Variants in PIKFYVE observed in about 807,000 individuals in gnomAD.
PIKFYVE encodes the protein 1-phosphatidylinositol 3-phosphate 5-kinase.
A neutral mutation model predicts 257.9 loss-of-function variants in PIKFYVE; 122 were observed. That is an observed-to-expected ratio of 0.47 (90% CI 0.41 to 0.55). The LOEUF (loss-of-function observed/expected upper bound fraction) is 0.55. PIKFYVE is among the 20% of genes least tolerant of loss of function. PIKFYVE has a pLI of 0.00. For synonymous variants in PIKFYVE, 892 were observed against 868.9 expected, an observed-to-expected ratio of 1.03 and a Z score of -0.47; for missense variants, 2,160 against 2,536.6, an observed-to-expected ratio of 0.85 and a Z score of 3.19.
At chr2:208,321,206 C>G (rs940786645) in intron 17 of PIKFYVE, among the ~76,000 whole-genome samples, 2 of 152,144 alleles carry the variant, frequency 1.3e-5, no homozygotes, top group Admixed American at 6.6e-5. Flanking sequence ...TGTGGTCATT[C>G]AAAGTGGAAG....
rs890190257 is a variant in PIKFYVE, at chr2:208,357,877, G to GA, written c.*2576dup. 7.2e-5 allele frequency: 11 copies of GA among 152,082 alleles called. No individual in the cohort carries two copies. Among genetic ancestry groups the GA allele is most frequent in the African/African-American group, 2.7e-4 (11 of 41,410 alleles). 9.4% of individuals were successfully genotyped at this position (152,082 alleles called of 1,614,324 possible). ...CCGAGAATAATTGATAGTAGCAAGA[G>GA]AAAACTATGTCAGTAACATGTTGCT... On this transcript the variant is annotated 3_prime_UTR_variant, in exon 42 of 42. Transcript: ENST00000264380.
chr2:208,328,350 C>CAAA, intron 21 of PIKFYVE, 70 bp downstream of exon 21: 1 of 1,591,350 alleles, frequency 6.3e-7, no homozygotes, highest in Non-Finnish European at 8.6e-7. Flanking sequence ...AAAACAAAAA[C>CAAA]AAAAAAACAG....
intron 16 of PIKFYVE, among the ~76,000 whole-genome samples, chr2:208,319,396 G>A (rs938281465): frequency 3.3e-5 from 5 of 152,312 alleles, no homozygotes; most frequent in Admixed American, 3.3e-4. Flanking sequence ...CTTTAAAGGA[G>A]AACTTTAAAC....
rs1486984440 is a variant in PIKFYVE, at chr2:208,313,008, G to A, written c.1696+713G>A. 2.6e-5 allele frequency among the ~76,000 whole-genome samples: 4 copies of A among 152,164 alleles called. No individual in the cohort carries two copies. In the East Asian group the frequency reaches 5.8e-4, roughly 22 times the overall value. On this transcript the variant is annotated intron_variant, in intron 13 of 41. Coordinates refer to ENST00000264380, the MANE Select transcript of PIKFYVE (RefSeq NM_015040.4). ...AAATTCATCTCCAAGCATCTGGTTCGGCTAGAAGTTTACAGAGTGGCCCTT... is the reference window on the plus strand; with the variant it reads ...AAATTCATCTCCAAGCATCTGGTTCAGCTAGAAGTTTACAGAGTGGCCCTT...
At chr2:208,268,967 T>A (rs1406842185) in intron 1 of PIKFYVE, among the ~76,000 whole-genome samples, 1 of 152,138 alleles carries the variant, frequency 6.6e-6, no homozygotes, top group Non-Finnish European at 1.5e-5. Flanking sequence ...TAGGTAATAC[T>A]TTTGGGGTGA....
At chr2:208,353,044 C>G (rs953894498) in intron 39 of PIKFYVE, among the ~76,000 whole-genome samples, 1 of 152,098 alleles carries the variant, frequency 6.6e-6, no homozygotes, top group Admixed American at 6.6e-5. Context: ...ATCTACTTCC[C>G]GCATCTTTTT....
intron 12 of PIKFYVE, among the ~76,000 whole-genome samples, chr2:208,309,235 T>C (rs1037271740): frequency 8.5e-5 from 13 of 152,100 alleles, no homozygotes; most frequent in Non-Finnish European, 1.6e-4. Flanking sequence ...GATAGCAGAA[T>C]TGACATTTAA....
chr2:208,326,242 A>G lies in PIKFYVE; in HGVS notation c.3431A>G (p.Asp1144Gly), dbSNP rs368966596. Reference protein sequence around the residue: ...VSTRIAEHLGDSQSLGRMLAD... With the variant: ...VSTRIAEHLGGSQSLGRMLAD... ...ACTAGAATTGCTGAGCATCTGGGCGATAGCCAGAGCTTGGGTAGAATGCTG... is the reference window on the plus strand; with the variant it reads ...ACTAGAATTGCTGAGCATCTGGGCGGTAGCCAGAGCTTGGGTAGAATGCTG... The change falls in exon 20 of 42, where the codon GAT (aspartate) becomes GGT (glycine). Residue 1144 changes from aspartate (D) to glycine (G), a missense_variant. Physicochemically the swap from Asp to Gly is moderately conservative, Grantham distance 94. Coordinates refer to ENST00000264380, the MANE Select transcript of PIKFYVE (RefSeq NM_015040.4). The G allele has an allele frequency of 1.7e-5, 27 of 1,591,584 alleles. No homozygotes were observed. The highest frequency in any genetic ancestry group is 2.7e-5 in the African/African-American group (2 of 74,134).
At chr2:208,313,021 C>T (rs1695094617) in intron 13 of PIKFYVE, among the ~76,000 whole-genome samples, 1 of 152,192 alleles carries the variant, frequency 6.6e-6, no homozygotes, top group South Asian at 2.1e-4. Context: ...TAGAAGTTTA[C>T]AGAGTGGCCC....
At chr2:208,313,151 G>A (rs1418710022) in intron 13 of PIKFYVE, among the ~76,000 whole-genome samples, 1 of 152,076 alleles carries the variant, frequency 6.6e-6, no homozygotes, top group Non-Finnish European at 1.5e-5. Context: ...CTTTTAAGAG[G>A]GGACAGGTTA....
chr2:208,325,109 A>G, intron 19 of PIKFYVE, 72 bp downstream of exon 19: 2 of 1,601,886 alleles, frequency 1.2e-6, no homozygotes, highest in African/African-American at 1.3e-5. Context: ...TTTACTTACT[A>G]GGAAATACCT....
chr2:208,350,722 A>G, intron 36 of PIKFYVE, 49 bp from the exon 37 acceptor site: 2 of 1,595,218 alleles, frequency 1.3e-6, no homozygotes, highest in Non-Finnish European at 1.7e-6. Flanking sequence ...AGGAGGAAAG[A>G]TATTTTCTGA....
At chr2:208,273,325 C>A (rs1335382831) in intron 2 of PIKFYVE, among the ~76,000 whole-genome samples, 3 of 152,082 alleles carry the variant, frequency 2.0e-5, no homozygotes, top group African/African-American at 7.2e-5. Context: ...AGGCTGGGCA[C>A]AGTGGCCTGT....
chr2:208,350,152 G>T, intron 36 of PIKFYVE, 69 bp downstream of exon 36: 1 of 1,591,370 alleles, frequency 6.3e-7, no homozygotes, highest in Non-Finnish European at 8.6e-7. Flanking sequence ...TATTATTTGA[G>T]AATTCTAGCT....
intron 1 of PIKFYVE, among the ~76,000 whole-genome samples, chr2:208,267,411 T>A (rs1289281701): frequency 6.6e-6 from 1 of 152,168 alleles, no homozygotes; most frequent in African/African-American, 2.4e-5. Context: ...GGTTTTCCTT[T>A]AAGCGTGTTG....
Position 208,336,822 on chromosome 2 carries a change from T to A in PIKFYVE, c.4521-16T>A, listed in dbSNP as rs1160848488. The A allele has an allele frequency of 6.4e-7, 1 of 1,564,984 alleles. No individual in the cohort carries two copies. The highest frequency in any genetic ancestry group is 8.8e-7 in the Non-Finnish European group (1 of 1,136,252). Reference sequence around the variant, plus strand: ...AACAAACCATATATATATATATTTTTTGCTTTTGGCCACAGGTTGCAGGAC... The same window carrying A: ...AACAAACCATATATATATATATTTTATGCTTTTGGCCACAGGTTGCAGGAC... On this transcript the variant is annotated splice_polypyrimidine_tract_variant and intron_variant, in intron 27 of 41. Coordinates refer to ENST00000264380, the MANE Select transcript of PIKFYVE (RefSeq NM_015040.4).
rs937538959 is a variant in PIKFYVE, at chr2:208,345,139, G to A, written c.5056G>A (p.Glu1686Lys). 6.2e-7 allele frequency: 1 copy of A among 1,608,454 alleles called. No homozygotes were observed. The highest frequency in any genetic ancestry group is 2.2e-5 in the East Asian group (1 of 44,480). ...TAAAGAATACCGAAATGCCTTAGAGGAATTGTCTAAAGCGACTCAGTGGAA... is the reference window on the plus strand; with the variant it reads ...TAAAGAATACCGAAATGCCTTAGAGAAATTGTCTAAAGCGACTCAGTGGAA... ...SCKEYRNALE[E>K]LSKATQWNSA... The change falls in exon 33 of 42, where the codon GAA becomes AAA. Residue 1686 changes from glutamate to lysine, a missense_variant. Glu to Lys is a moderately conservative substitution (Grantham distance 56). Transcript: ENST00000264380.
intron 17 of PIKFYVE, among the ~76,000 whole-genome samples, chr2:208,323,365 G>T (rs1385160306): frequency 6.9e-6 from 1 of 144,092 alleles, no homozygotes; most frequent in Non-Finnish European, 1.5e-5. Flanking sequence ...GTGGTGTTTG[G>T]TTTTTTGTCC....
At chr2:208,273,496 T>C (rs767560836) in intron 2 of PIKFYVE, 88 bp from the exon 3 acceptor site, 110 of 1,526,114 alleles carry the variant, frequency 7.2e-5, no homozygotes, top group Non-Finnish European at 9.4e-5. Context: ...AATACATGCA[T>C]ACATTGTTGC....
Sources: allele counts gnomAD v4.1 joint callset (sites outside exome capture counted in the v4.1 genomes callset), GRCh38; gene constraint gnomAD v4.1.1; transcripts MANE v1.5; gene names NCBI Gene and HGNC (gene_info 2026-07-23, HGNC 2026-07-21).